The following TRIM44 variants were observed in gnomAD, a reference collection of about 807,000 sequenced individuals.
TRIM44 encodes tripartite motif-containing protein 44.
TRIM44 carries 13 observed loss-of-function variants against 37.4 expected under a neutral mutation model. The observed-to-expected ratio is 0.35, with a 90% CI of 0.23 to 0.55. The LOEUF (loss-of-function observed/expected upper bound fraction) is 0.55. Ranked by LOEUF, TRIM44 falls within the 20% of genes least tolerant of loss-of-function variation. TRIM44 has a pLI of 0.89. For missense variants in TRIM44, 426 were observed against 437.2 expected (o/e 0.97, Z 0.23); for synonymous variants, 175 against 157.2 (o/e 1.11, Z -0.85).
intron 3 of TRIM44, 95 bp from the exon 4 acceptor site, chr11:35,735,331 A>G (rs1852314660): frequency 3.3e-6 from 4 of 1,199,120 alleles, no homozygotes; most frequent in South Asian, 1.2e-5. Context: ...TAGTCCATGC[A>G]TTCAGGTTGG....
intron 2 of TRIM44, among the ~76,000 whole-genome samples, chr11:35,703,926 T>C (rs1194698565): frequency 6.6e-6 from 1 of 151,440 alleles, no homozygotes. Context: ...CTTTGACGAG[T>C]TGAGAGAAGA....
At chr11:35,665,408 C>T (rs1260251138) in intron 1 of TRIM44, among the ~76,000 whole-genome samples, 3 of 151,780 alleles carry the variant, frequency 2.0e-5, no homozygotes, top group African/African-American at 7.3e-5. Flanking sequence ...CTGTATTTTT[C>T]ATTTTTGTCA....
chr11:35,760,997 T>C (rs1222262466), intron 4 of TRIM44, among the ~76,000 whole-genome samples: 1 of 152,218 alleles, frequency 6.6e-6, no homozygotes, highest in African/African-American at 2.4e-5. Context: ...TCTCTACTTC[T>C]GTAAGATCAA....
At chr11:35,735,360 A>G in intron 3 of TRIM44, 66 bp from the exon 4 acceptor site, 2 of 1,572,120 alleles carry the variant, frequency 1.3e-6, no homozygotes, top group Non-Finnish European at 8.8e-7. Context: ...AGGGAAAAGA[A>G]AGAAATCTGA....
At chr11:35,704,871 A>G (rs1215025196) in intron 2 of TRIM44, among the ~76,000 whole-genome samples, 1 of 151,964 alleles carries the variant, frequency 6.6e-6, no homozygotes, top group Non-Finnish European at 1.5e-5. Context: ...CAAAATAACC[A>G]GCTAACATCA....
rs1455988831 is a variant in TRIM44, at chr11:35,808,358, A to G, written c.*1973A>G. The G allele has an allele frequency of 6.6e-6, 1 of 152,158 alleles. No homozygotes were observed. The highest frequency in any genetic ancestry group is 1.5e-5 in the Non-Finnish European group (1 of 68,024). The allele number at this position is 152,158 out of a possible 1,614,324, so 9.4% of individuals were successfully genotyped here. A position where few individuals can be genotyped will look rare whatever the true frequency, so the allele number is the denominator to read the frequency against. ...AATCATATCCAACAAAAGTACCCTA[A>G]AAGAAGGACCAGTGGCCACTCTCGA... On this transcript the variant is annotated 3_prime_UTR_variant, in exon 5 of 5. Transcript: ENST00000299413.
At position 35,813,302 on chromosome 11, in the gene TRIM44, A is replaced by G. The variant is rs1853546980; in HGVS notation, c.*6917A>G. 3 of 152,226 alleles carry G rather than the reference A, an allele frequency of 2.0e-5. No individual in the cohort carries two copies. The highest frequency in any genetic ancestry group is 2.0e-4 in the Admixed American group (3 of 15,282). The allele number at this position is 152,226 out of a possible 1,614,324, so 9.4% of individuals were successfully genotyped here. On this transcript the variant is annotated 3_prime_UTR_variant, in exon 5 of 5. Coordinates refer to ENST00000299413, the MANE Select transcript of TRIM44 (RefSeq NM_017583.6). ...TTTGACAATGAGTAACTGAGACAGA[A>G]CTAGAAAAATCTAGAACCTCTGCTG...
At chr11:35,692,871 C>T (rs542648142) in intron 2 of TRIM44, among the ~76,000 whole-genome samples, 14 of 150,922 alleles carry the variant, frequency 9.3e-5, no homozygotes, top group East Asian at 7.8e-4. Context: ...TGCAGTGAGC[C>T]GAGATCATGC....
chr11:35,669,401 A>T (rs779928787), intron 1 of TRIM44, among the ~76,000 whole-genome samples: 1 of 151,936 alleles, frequency 6.6e-6, no homozygotes, highest in Non-Finnish European at 1.5e-5. Flanking sequence ...TTACTCTGAG[A>T]TTTTTAGCAG....
rs1052999318 is a variant in TRIM44 at position 35,808,252 on chromosome 11, A to G, written c.*1867A>G. 8 of 148,578 alleles carry G rather than the reference A, an allele frequency of 5.4e-5. No individual in the cohort carries two copies. Among genetic ancestry groups the G allele is most frequent in the African/African-American group, 1.7e-4 (7 of 40,722 alleles). The allele number at this position is 148,578 out of a possible 1,614,324, so 9.2% of individuals were successfully genotyped here. A position where few individuals can be genotyped will look rare whatever the true frequency, so the allele number is the denominator to read the frequency against. ...CATTTTTCTCTCAAACTGATGGCCA[A>G]GAAATGGCTAGGACAATTTTGGTGC... On this transcript the variant is annotated 3_prime_UTR_variant, in exon 5 of 5. Coordinates refer to ENST00000299413, the MANE Select transcript of TRIM44 (RefSeq NM_017583.6).
chr11:35,766,267 A>G (rs1181034493), intron 4 of TRIM44, among the ~76,000 whole-genome samples: 5 of 152,150 alleles, frequency 3.3e-5, no homozygotes, highest in African/African-American at 7.2e-5. Flanking sequence ...CTGTCCGTTA[A>G]TTAGCTGCTT....
intron 2 of TRIM44, among the ~76,000 whole-genome samples, chr11:35,686,311 A>G (rs957467658): frequency 6.6e-6 from 1 of 151,250 alleles, no homozygotes; most frequent in Non-Finnish European, 1.5e-5. Context: ...AAAGTTTCTC[A>G]CAATTAAATA....
rs1019035706 is a variant in TRIM44 at position 35,813,198 on chromosome 11, G to A, written c.*6813G>A. On this transcript the variant is annotated 3_prime_UTR_variant, in exon 5 of 5. Transcript: ENST00000299413. ...CCTTCACAATATTTTAGGATTCATG[G>A]CAACTCATTTACCTAGGGCTTAGCC... 2.0e-5 allele frequency: 3 copies of A among 152,126 alleles called. No individual in the cohort carries two copies. The highest frequency in any genetic ancestry group is 2.9e-5 in the Non-Finnish European group (2 of 68,024). The allele number at this position is 152,126 out of a possible 1,614,324, so 9.4% of individuals were successfully genotyped here. A position where few individuals can be genotyped will look rare whatever the true frequency, so the allele number is the denominator to read the frequency against.
At chr11:35,741,921 TTATC>T (rs1032887252) in intron 4 of TRIM44, among the ~76,000 whole-genome samples, 22 of 152,254 alleles carry the variant, frequency 1.4e-4, no homozygotes, top group African/African-American at 2.4e-4. Flanking sequence ...CATTTTAATT[TTATC>T]TATCTATCTA....
At chr11:35,772,366 A>G (rs899122917) in intron 4 of TRIM44, among the ~76,000 whole-genome samples, 40 of 152,184 alleles carry the variant, frequency 2.6e-4, no homozygotes, top group Non-Finnish European at 3.4e-4. Flanking sequence ...GAAGAGGGCC[A>G]CCATCCTCCA....
intron 1 of TRIM44, among the ~76,000 whole-genome samples, chr11:35,682,289 A>G (rs1851528975): frequency 6.6e-6 from 1 of 152,076 alleles, no homozygotes; most frequent in Non-Finnish European, 1.5e-5. Context: ...TAGGTCCCAC[A>G]TGTGTATCAT....
intron 1 of TRIM44, among the ~76,000 whole-genome samples, chr11:35,664,826 T>C (rs1851313860): frequency 6.6e-6 from 1 of 152,264 alleles, no homozygotes; most frequent in Non-Finnish European, 1.5e-5. Flanking sequence ...TTGAAGCCTT[T>C]TCCCCATACC....
intron 4 of TRIM44, among the ~76,000 whole-genome samples, chr11:35,748,874 CAGA>C (rs924377772): frequency 5.3e-5 from 8 of 152,124 alleles, no homozygotes; most frequent in East Asian, 1.9e-4. Flanking sequence ...GGGTAAAGCT[CAGA>C]AGAAGAGGAG....
At chr11:35,675,574 C>T (rs573896160) in intron 1 of TRIM44, among the ~76,000 whole-genome samples, 2 of 152,192 alleles carry the variant, frequency 1.3e-5, no homozygotes, top group African/African-American at 4.8e-5. Context: ...TCATTTGAGA[C>T]GGAGTGGCAC....
Sources: allele counts gnomAD v4.1 joint callset (sites outside exome capture counted in the v4.1 genomes callset), GRCh38; gene constraint gnomAD v4.1.1; transcripts MANE v1.5; gene names NCBI Gene and HGNC (gene_info 2026-07-23, HGNC 2026-07-21).